Variants in ZC3H12D observed in about 807,000 individuals in gnomAD.
ZC3H12D encodes the protein zinc finger CCCH-type containing 12D.
In ZC3H12D, 11 loss-of-function variants were observed where a neutral mutation model predicts 24.2. The observed-to-expected ratio is 0.46, with a 90% confidence interval of 0.29 to 0.75. The LOEUF (loss-of-function observed/expected upper bound fraction) is 0.75, where lower values mean the gene tolerates loss of function less well. Among genes scored for constraint, ZC3H12D ranks in the 30% least tolerant of loss-of-function variants. The pLI is 0.11. For synonymous variants in ZC3H12D, 333 were observed against 341.8 expected, an observed-to-expected ratio of 0.97 and a Z score of 0.28; for missense variants, 740 against 767.7, an observed-to-expected ratio of 0.96 and a Z score of 0.43.
chr6:149,482,343 G>A (rs997732153), intron 1 of ZC3H12D, among the ~76,000 whole-genome samples: 12 of 152,234 alleles, frequency 7.9e-5, no homozygotes, highest in African/African-American at 1.7e-4. Flanking sequence ...TGCCAGCCGC[G>A]TCTCGTTTCC....
chr6:149,462,090 T>G, intron 2 of ZC3H12D, 120 bp from the exon 3 acceptor site: 1 of 1,288,684 alleles, frequency 7.8e-7, no homozygotes, highest in Non-Finnish European at 1.0e-6. Context: ...ATCTATGTTT[T>G]AGGCCAGGAG....
In ZC3H12D at chr6:149,456,622, C is replaced by CCCCCCCCCCCCCCCCCGGGGTGAGG; in HGVS notation, c.680+43_680+44insCCTCACCCCGGGGGGGGGGGGGGGG. 7.6e-7 allele frequency: 1 copy of CCCCCCCCCCCCCCCCCGGGGTGAGG among 1,314,358 alleles called. No individual in the cohort carries two copies. 81.4% of individuals were successfully genotyped at this position (1,314,358 alleles called of 1,614,324 possible). On this transcript the variant is annotated intron_variant, in intron 4 of 5. Coordinates refer to ENST00000409806, the MANE Select transcript of ZC3H12D (RefSeq NM_207360.3). The surrounding 1 kb of genome is among the most constrained non-coding windows in gnomAD (Gnocchi z 4.3). ...GGCCACTGCCTCGACCCCGGCCCCC[C>CCCCCCCCCCCCCCCCCGGGGTGAGG]GCCCCGCCGCCCCCCAGGGTGTCAG...
At chr6:149,458,656 G>C (rs1776027247) in intron 3 of ZC3H12D, among the ~76,000 whole-genome samples, 1 of 152,172 alleles carries the variant, frequency 6.6e-6, no homozygotes, top group African/African-American at 2.4e-5. Context: ...GAGCTGTATG[G>C]AAGGCACTTT....
At chr6:149,468,066 C>G (rs1307509784) in intron 2 of ZC3H12D, among the ~76,000 whole-genome samples, 2 of 152,162 alleles carry the variant, frequency 1.3e-5, no homozygotes, top group Non-Finnish European at 2.9e-5. Flanking sequence ...ACCACAACCT[C>G]CACCTCCCAG....
chr6:149,476,670 T>C (rs1041344420), intron 1 of ZC3H12D, among the ~76,000 whole-genome samples: 1 of 151,990 alleles, frequency 6.6e-6, no homozygotes, highest in Non-Finnish European at 1.5e-5. Flanking sequence ...TAGCGGGGCA[T>C]GGTGGCGTTG....
At chr6:149,475,679 C>A (rs1364915955) in intron 1 of ZC3H12D, among the ~76,000 whole-genome samples, 1 of 151,012 alleles carries the variant, frequency 6.6e-6, no homozygotes, top group African/African-American at 2.4e-5. Context: ...TGCGCCATTG[C>A]ACTCCAGCCT....
At chr6:149,474,197 A>C (rs1245681344) in intron 2 of ZC3H12D, 42 bp downstream of exon 2, 3 of 1,432,290 alleles carry the variant, frequency 2.1e-6, no homozygotes, top group Non-Finnish European at 2.8e-6. Flanking sequence ...TCCTGCGAAC[A>C]GGGGCCTCCC....
Position 149,456,531 on chromosome 6 carries a change from G to A in ZC3H12D, c.680+135C>T, listed in dbSNP as rs942877315. On this transcript the variant is annotated intron_variant, in intron 4 of 5. Coordinates refer to ENST00000409806, the MANE Select transcript of ZC3H12D (RefSeq NM_207360.3). This position sits in a 1 kb window ranked among gnomAD's most constrained non-coding sequence, Gnocchi z 4.3. ...CGTGCCCGCCGAGAATGCGGACCTG[G>A]GGGAGCTCTGTCTGAGGGGCTGGGT... 32 of 735,322 alleles carry A rather than the reference G, an allele frequency of 4.4e-5. No individual in the cohort carries two copies. The highest frequency in any genetic ancestry group is 5.3e-5 in the Non-Finnish European group (24 of 450,490). 45.5% of individuals were successfully genotyped at this position (735,322 alleles called of 1,614,324 possible).
chr6:149,460,868 G>A (rs111920999), intron 3 of ZC3H12D, among the ~76,000 whole-genome samples: 2 of 152,056 alleles, frequency 1.3e-5, no homozygotes, highest in African/African-American at 4.8e-5. Flanking sequence ...GCTGGGTGTG[G>A]TGATATGCAC....
chr6:149,457,178 T>G (rs1475178576), intron 3 of ZC3H12D, among the ~76,000 whole-genome samples: 1 of 152,194 alleles, frequency 6.6e-6, no homozygotes, highest in Non-Finnish European at 1.5e-5. Context: ...GGAGAGTCAC[T>G]TCAGAAGGAA....
In ZC3H12D at chr6:149,452,285, A is replaced by C; in HGVS notation, c.787+331T>G. 1 of 269,590 alleles carries C rather than the reference A, an allele frequency of 3.7e-6. No homozygotes were observed. 16.7% of individuals were successfully genotyped at this position (269,590 alleles called of 1,614,324 possible). A position where few individuals can be genotyped will look rare whatever the true frequency, so the allele number is the denominator to read the frequency against. ...GTGGAGAGCAGGGTAGGGTGAGGACAGAAGCTGCCAGGGGCCAGGTGAAGG... is the reference window on the plus strand; with the variant it reads ...GTGGAGAGCAGGGTAGGGTGAGGACCGAAGCTGCCAGGGGCCAGGTGAAGG... On this transcript the variant is annotated intron_variant, in intron 5 of 5. Transcript: ENST00000409806. This position sits in a 1 kb window ranked among gnomAD's most constrained non-coding sequence, Gnocchi z 4.0.
intron 5 of ZC3H12D, 86 bp from the exon 6 acceptor site, chr6:149,451,565 G>C: frequency 8.4e-7 from 1 of 1,190,414 alleles, no homozygotes; most frequent in Non-Finnish European, 1.1e-6. Context: ...GGGGAGTGCC[G>C]GCCCGCGGCC....
rs534484672 is a variant in ZC3H12D at position 149,474,564 on chromosome 6, G to C, written c.-21C>G. 6.8e-7 allele frequency: 1 copy of C among 1,461,710 alleles called. No homozygotes were observed. The highest frequency in any genetic ancestry group is 2.4e-5 in the East Asian group (1 of 41,478). The allele number at this position is 1,461,710 out of a possible 1,614,324, so 90.5% of individuals were successfully genotyped here. On this transcript the variant is annotated 5_prime_UTR_variant, in exon 2 of 6. Transcript: ENST00000409806. The stretch of plus-strand genomic sequence containing the variant: ...TCCATGCTGTGCCCAGCGGCCACTG[G>C]CGCAGGTCCTGCCCCAGGCTTCCTC...
At position 149,456,598 on chromosome 6, in the gene ZC3H12D, G is replaced by GC; in HGVS notation, c.680+67dup. On this transcript the variant is annotated intron_variant, in intron 4 of 5. Transcript: ENST00000409806. This position sits in a 1 kb window ranked among gnomAD's most constrained non-coding sequence, Gnocchi z 4.3. ...GCTCCTCCACCTGGTAGCAGGCGTG[G>GC]CCACTGCCTCGACCCCGGCCCCCCG... 1 of 1,360,310 alleles carries GC rather than the reference G, an allele frequency of 7.4e-7. No individual in the cohort carries two copies. The highest frequency in any genetic ancestry group is 1.0e-6 in the Non-Finnish European group (1 of 987,418). 84.3% of individuals were successfully genotyped at this position (1,360,310 alleles called of 1,614,324 possible).
At chr6:149,458,633 A>C (rs896165230) in intron 3 of ZC3H12D, among the ~76,000 whole-genome samples, 2 of 152,192 alleles carry the variant, frequency 1.3e-5, no homozygotes, top group Non-Finnish European at 2.9e-5. Flanking sequence ...TATCTCCAAG[A>C]GTGAATATGG....
chr6:149,475,731 G>A (rs1448114158), intron 1 of ZC3H12D, among the ~76,000 whole-genome samples: 3 of 151,494 alleles, frequency 2.0e-5, no homozygotes, highest in Non-Finnish European at 4.4e-5. Context: ...AAAAAAAGGG[G>A]CCTGCCCCAA....
intron 4 of ZC3H12D, among the ~76,000 whole-genome samples, chr6:149,454,792 C>T (rs1169063880): frequency 6.6e-6 from 1 of 152,258 alleles, no homozygotes; most frequent in Non-Finnish European, 1.5e-5. Flanking sequence ...CCCATAGTTA[C>T]CAGACTAGCC....
At chr6:149,460,770 C>G (rs1749227) in intron 3 of ZC3H12D, among the ~76,000 whole-genome samples, 54,807 of 150,964 alleles carry the variant, frequency 0.36, 10,432 homozygotes, top group African/African-American at 0.46. Flanking sequence ...GCAGAGGTTG[C>G]AGTGAGCTGA....
intron 5 of ZC3H12D, among the ~76,000 whole-genome samples, chr6:149,451,690 G>T (rs1775899758): frequency 6.6e-6 from 1 of 152,174 alleles, no homozygotes; most frequent in Non-Finnish European, 1.5e-5. Flanking sequence ...GAAGTGCCCG[G>T]GAGGCGCGGG....
Sources: allele counts gnomAD v4.1 joint callset (sites outside exome capture counted in the v4.1 genomes callset), GRCh38; gene constraint gnomAD v4.1.1; non-coding constraint Gnocchi (gnomAD v3.1); transcripts MANE v1.5; gene names NCBI Gene and HGNC (gene_info 2026-07-23, HGNC 2026-07-21).